Variants in ARHGAP22 observed in about 807,000 individuals in gnomAD.
ARHGAP22 encodes Rho GTPase activating protein 22, also known as rho GTPase-activating protein 22.
Under a neutral mutation model 59.1 loss-of-function variants are expected in ARHGAP22, and 48 were observed. That is an observed-to-expected ratio of 0.81 (90% CI 0.64 to 1.03). The LOEUF is 1.03. Ranked by LOEUF, ARHGAP22 falls within the 50% of genes least tolerant of loss-of-function variation. The pLI is 0.00. For missense variants in ARHGAP22, 1,015 were observed against 958.7 expected (o/e 1.06, Z -0.78); for synonymous variants, 445 against 416.4 (o/e 1.07, Z -0.84).
chr10:48,614,303 C>T (rs552907927), intron 1 of ARHGAP22, among the ~76,000 whole-genome samples: 10 of 152,136 alleles, frequency 6.6e-5, no homozygotes, highest in Non-Finnish European at 1.5e-4. Flanking sequence ...ACAGTATTTA[C>T]CAGATTTGGC....
At chr10:48,514,730 G>A (rs576799851) in intron 3 of ARHGAP22, among the ~76,000 whole-genome samples, 1 of 152,250 alleles carries the variant, frequency 6.6e-6, no homozygotes, top group Non-Finnish European at 1.5e-5. Context: ...AAAGATAACT[G>A]CACAAAGCAG....
Position 48,459,993 on chromosome 10 carries a change from C to T in ARHGAP22, c.452-102G>A, listed in dbSNP as rs188285154. 46 of 1,227,144 alleles carry T rather than the reference C, an allele frequency of 3.7e-5. No individual in the cohort carries two copies. In the Admixed American group the frequency reaches 8.3e-4, roughly 22 times the overall value. 76.0% of individuals were successfully genotyped at this position (1,227,144 alleles called of 1,614,324 possible). ...CGCACTGTTAGGGCTAAAGGTGGCT[C>T]CTCCTCAGGAAGCAAATTACACACT... On this transcript the variant is annotated intron_variant, in intron 4 of 9. Coordinates refer to ENST00000249601, the MANE Select transcript of ARHGAP22 (RefSeq NM_021226.4).
rs2062587318 is a variant in ARHGAP22, at chr10:48,652,010, G to T, written c.52+224C>A. ...AGTCATTAGAGCCCAGGACCCTGAA[G>T]TCTCTGTTTTTCAGGCAGACACAGA... On this transcript the variant is annotated intron_variant, in intron 1 of 9. Transcript: ENST00000435790. Among the ~76,000 whole-genome samples the T allele has an allele frequency of 2.6e-5, 4 of 152,138 alleles. No homozygotes were observed. The South Asian group carries it at 8.3e-4, about 31-fold the overall frequency.
At position 48,522,849 on chromosome 10, in the gene ARHGAP22, T is replaced by G. The variant is rs555263768; in HGVS notation, c.322+32614A>C. On this transcript the variant is annotated intron_variant, in intron 3 of 9. Transcript: ENST00000249601. ...CTCACATTTTTCACTTGGTTTTGGT[T>G]GCAAAGAGGCTCAACCACAGATCAT... Among the ~76,000 whole-genome samples, 5 of 152,360 alleles carry G rather than the reference T, an allele frequency of 3.3e-5. No individual in the cohort carries two copies. The South Asian group carries it at 8.3e-4, about 25-fold the overall frequency.
At chr10:48,596,857 T>G (rs978166826) in intron 1 of ARHGAP22, among the ~76,000 whole-genome samples, 1 of 152,146 alleles carries the variant, frequency 6.6e-6, no homozygotes, top group African/African-American at 2.4e-5. Flanking sequence ...GTGGAGGGCC[T>G]CTGTGAGCTG....
At chr10:48,573,942 G>T (rs927967087) in intron 2 of ARHGAP22, among the ~76,000 whole-genome samples, 3 of 152,234 alleles carry the variant, frequency 2.0e-5, no homozygotes, top group Non-Finnish European at 4.4e-5. Flanking sequence ...TACCAGTACA[G>T]TGGAAATTGA....
At chr10:48,562,009 G>A (rs1319703548) in intron 2 of ARHGAP22, among the ~76,000 whole-genome samples, 1 of 152,146 alleles carries the variant, frequency 6.6e-6, no homozygotes, top group East Asian at 1.9e-4. Flanking sequence ...GGCAGATCAC[G>A]AGGTCAGAAG....
chr10:48,453,773 G>T (rs575042452), intron 7 of ARHGAP22, among the ~76,000 whole-genome samples: 162 of 152,364 alleles, frequency 1.1e-3, no homozygotes, highest in Middle Eastern at 3.4e-3. Flanking sequence ...ATACATGAAG[G>T]GTTGGGGTCA....
upstream of ARHGAP22, among the ~76,000 whole-genome samples, chr10:48,652,869 G>A (rs1229411803): frequency 6.6e-6 from 1 of 152,208 alleles, no homozygotes; most frequent in African/African-American, 2.4e-5. Flanking sequence ...AGCACCCCAT[G>A]TGAGACCCTC....
chr10:48,476,583 C>T (rs1054103315), intron 4 of ARHGAP22, among the ~76,000 whole-genome samples: 29 of 152,354 alleles, frequency 1.9e-4, no homozygotes, highest in Admixed American at 5.2e-4. Flanking sequence ...GCATCGCTAA[C>T]TCCTGAGATT....
At chr10:48,568,598 C>T (rs2058200980) in intron 2 of ARHGAP22, among the ~76,000 whole-genome samples, 1 of 152,234 alleles carries the variant, frequency 6.6e-6, no homozygotes, top group Admixed American at 6.5e-5. Context: ...TGACCGCCCA[C>T]TTTTTAGTAT....
intron 1 of ARHGAP22, among the ~76,000 whole-genome samples, chr10:48,597,379 A>G (rs749663061): frequency 6.6e-6 from 1 of 152,124 alleles, no homozygotes; most frequent in Non-Finnish European, 1.5e-5. Context: ...TCAGAGAAGC[A>G]GCAAGCAGGA....
upstream of ARHGAP22, among the ~76,000 whole-genome samples, chr10:48,605,330 A>ACCCCCCCCCCCCCCCCCCGC (rs111746464): frequency 2.2e-5 from 2 of 91,322 alleles, no homozygotes; most frequent in Non-Finnish European, 5.0e-5. Flanking sequence ...GGTAGCCGAG[A>ACCCCCCCCCCCCCCCCCCGC]CCCCCCCCCC....
At chr10:48,459,112 C>A (rs1213090036) in intron 5 of ARHGAP22, among the ~76,000 whole-genome samples, 1 of 151,082 alleles carries the variant, frequency 6.6e-6, no homozygotes, top group Non-Finnish European at 1.5e-5. Context: ...AAACAGAATC[C>A]CCAAACGGCC....
At chr10:48,487,650 A>G (rs1327928664) in intron 3 of ARHGAP22, among the ~76,000 whole-genome samples, 1 of 152,210 alleles carries the variant, frequency 6.6e-6, no homozygotes, top group Non-Finnish European at 1.5e-5. Context: ...CAGACCCTCC[A>G]TAACGGAATT....
intron 4 of ARHGAP22, among the ~76,000 whole-genome samples, chr10:48,468,273 T>C (rs1306612789): frequency 2.6e-5 from 4 of 152,182 alleles, no homozygotes. Flanking sequence ...GGCTGTGTTA[T>C]CTTACACAGT....
At chr10:48,580,957 C>A (rs937916869) in intron 2 of ARHGAP22, among the ~76,000 whole-genome samples, 1 of 151,060 alleles carries the variant, frequency 6.6e-6, no homozygotes, top group Non-Finnish European at 1.5e-5. Flanking sequence ...AAATGGACTC[C>A]CCATTGTAAA....
At chr10:48,493,581 T>C in intron 3 of ARHGAP22, 6 of 1,502,160 alleles carry the variant, frequency 4.0e-6, no homozygotes, top group Non-Finnish European at 5.3e-6. Flanking sequence ...GAGGCACTCC[T>C]CCACTGCAGG....
intron 1 of ARHGAP22, among the ~76,000 whole-genome samples, chr10:48,641,224 G>A (rs531162537): frequency 6.6e-6 from 1 of 152,106 alleles, no homozygotes; most frequent in East Asian, 1.9e-4. Flanking sequence ...TTATAAAATG[G>A]CAAATGTAAA....
Sources: allele counts gnomAD v4.1 joint callset (sites outside exome capture counted in the v4.1 genomes callset), GRCh38; gene constraint gnomAD v4.1.1; transcripts MANE v1.5; gene names NCBI Gene and HGNC (gene_info 2026-07-23, HGNC 2026-07-21).